EED: variants seen among roughly 807,000 people sequenced by gnomAD.
The protein encoded by EED is polycomb protein EED.
A neutral mutation model predicts 61.0 loss-of-function variants in EED; 9 were observed. The ratio of observed to expected loss-of-function variants is 0.15; its 90% CI spans 0.09 to 0.26. The LOEUF (loss-of-function observed/expected upper bound fraction) is 0.26, where lower values mean the gene tolerates loss of function less well. EED is among the 10% of genes least tolerant of loss of function. The probability of loss-of-function intolerance (pLI) is 1.00; values close to 1 mark genes in which losing one functional copy is unlikely to be tolerated. For synonymous variants in EED, 187 were observed against 174.4 expected (o/e 1.07, Z -0.57); for missense variants, 315 against 542.3 (o/e 0.58, Z 4.16).
At chr11:86,282,641 A>AT (rs1331814434), downstream of EED, among the ~76,000 whole-genome samples, 1 of 152,198 alleles carries the variant, frequency 6.6e-6, no homozygotes, top group Admixed American at 6.5e-5. Flanking sequence ...GGTAGTACCC[A>AT]TTCCAGTTTT....
intron 9 of EED, among the ~76,000 whole-genome samples, chr11:86,274,573 A>G (rs1946186819): frequency 6.6e-6 from 1 of 151,950 alleles, no homozygotes; most frequent in Admixed American, 6.6e-5. Flanking sequence ...TGGGTTCCCC[A>G]CTCGGTTGAC....
intron 7 of EED, 92 bp from the exon 8 acceptor site, chr11:86,265,991 T>G (rs538972736): frequency 9.0e-7 from 1 of 1,105,376 alleles, no homozygotes; most frequent in South Asian, 1.6e-5. Context: ...TGATTTGAAA[T>G]ACAGTTTTCA....
At chr11:86,259,627 C>T (rs573760716) in intron 6 of EED, among the ~76,000 whole-genome samples, 16 of 152,164 alleles carry the variant, frequency 1.1e-4, no homozygotes, top group East Asian at 1.9e-4. Context: ...TAATAAGGGA[C>T]GTGTATCAAG....
At chr11:86,278,136 T>C (rs193107549) in intron 11 of EED, 145 bp downstream of exon 11, 100 of 1,353,392 alleles carry the variant, frequency 7.4e-5, no homozygotes, top group Non-Finnish European at 1.5e-5. Flanking sequence ...TTATTCTTTT[T>C]TATTCCAATA....
the EED span, among the ~76,000 whole-genome samples, chr11:86,286,287 C>T: frequency 2.7e-5 from 4 of 150,658 alleles, no homozygotes; most frequent in African/African-American, 7.3e-5. Flanking sequence ...GTGATCCGCC[C>T]GCCTCAGCCT....
chr11:86,284,949 A>C, the EED span, among the ~76,000 whole-genome samples: 2 of 151,890 alleles, frequency 1.3e-5, no homozygotes, highest in Non-Finnish European at 2.9e-5. Flanking sequence ...CGTCTCTACC[A>C]AAAATACAAA....
At chr11:86,258,561 T>G (rs948717773) in intron 6 of EED, among the ~76,000 whole-genome samples, 2 of 150,696 alleles carry the variant, frequency 1.3e-5, no homozygotes, top group South Asian at 2.1e-4. Context: ...TTTGGTTTTT[T>G]TTTTTTTTTT....
chr11:86,283,865 AAAG>A, the EED span: 6 of 151,914 alleles, frequency 3.9e-5, no homozygotes, highest in Admixed American at 1.3e-4. Context: ...AAAAAAAAAA[AAAG>A]AGAATGAAGT....
intron 9 of EED, among the ~76,000 whole-genome samples, chr11:86,269,647 T>G (rs989894462): frequency 1.3e-5 from 2 of 152,238 alleles, no homozygotes; most frequent in African/African-American, 2.4e-5. Flanking sequence ...AGTTTATATA[T>G]TATATAACTG....
chr11:86,287,172 G>A, the EED span, among the ~76,000 whole-genome samples: 1 of 151,758 alleles, frequency 6.6e-6, no homozygotes, highest in South Asian at 2.1e-4. Flanking sequence ...TCAGCCTGCA[G>A]TGTGAAACAC....
At chr11:86,254,036 G>GA (rs561539481) in intron 3 of EED, among the ~76,000 whole-genome samples, 966 of 78,696 alleles carry the variant, frequency 0.012, 10 homozygotes, top group Middle Eastern at 0.033. Flanking sequence ...CGACAAGAGT[G>GA]AAACTCTGTC....
rs372728427 is a variant in EED, at chr11:86,245,105, G to C, written c.-125G>C. The stretch of plus-strand genomic sequence containing the variant: ...CGGCTGGGCGCGATTTGCGACAGTG[G>C]GGGGGGCGGTGGAGGTGGCGGCGGC... On this transcript the variant is annotated 5_prime_UTR_variant, in exon 1 of 12. Transcript: ENST00000263360. 4.9e-4 allele frequency: 335 copies of C among 678,484 alleles called. No homozygotes were observed. In the Middle Eastern group the frequency reaches 9.1e-3, roughly 18 times the overall value. The allele number at this position is 678,484 out of a possible 1,614,324, so 42.0% of individuals were successfully genotyped here. A position where few individuals can be genotyped will look rare whatever the true frequency, so the allele number is the denominator to read the frequency against.
chr11:86,260,985 TTCTCATTAGG>T (rs908045828), intron 6 of EED, among the ~76,000 whole-genome samples: 1 of 151,976 alleles, frequency 6.6e-6, no homozygotes, highest in Non-Finnish European at 1.5e-5. Flanking sequence ...GACCTAACGC[TTCTCATTAGG>T]TCTCATCTCC....
the EED span, among the ~76,000 whole-genome samples, chr11:86,285,649 G>GT: frequency 2.0e-5 from 3 of 151,988 alleles, no homozygotes; most frequent in Non-Finnish European, 2.9e-5. Context: ...CCGGGCTGGA[G>GT]TGCAGGGGTG....
At chr11:86,267,215 A>T (rs1403457409) in intron 8 of EED, among the ~76,000 whole-genome samples, 1 of 152,220 alleles carries the variant, frequency 6.6e-6, no homozygotes, top group African/African-American at 2.4e-5. Flanking sequence ...CTAAAAAGCA[A>T]TTAATATAAT....
At chr11:86,271,485 A>G (rs1302236279) in intron 9 of EED, among the ~76,000 whole-genome samples, 2 of 152,144 alleles carry the variant, frequency 1.3e-5, no homozygotes, top group Admixed American at 6.5e-5. Flanking sequence ...TTTGTGATCT[A>G]TATGCCTTTT....
At chr11:86,272,021 C>T (rs1189907271) in intron 9 of EED, among the ~76,000 whole-genome samples, 2 of 45,798 alleles carry the variant, frequency 4.4e-5, no homozygotes, top group Non-Finnish European at 9.0e-5. Context: ...GATCTGTTTC[C>T]CATTTTCCAG....
At chr11:86,246,484 T>A (rs1476873206) in intron 1 of EED, among the ~76,000 whole-genome samples, 3 of 152,214 alleles carry the variant, frequency 2.0e-5, no homozygotes. Flanking sequence ...CATATAATGA[T>A]GTCATGACTA....
At chr11:86,280,135 G>A (rs1256035656), downstream of EED, among the ~76,000 whole-genome samples, 1 of 152,134 alleles carries the variant, frequency 6.6e-6, no homozygotes, top group Non-Finnish European at 1.5e-5. Flanking sequence ...TGCCCAGTCT[G>A]GAGTGCAGTG....
Sources: allele counts gnomAD v4.1 joint callset (sites outside exome capture counted in the v4.1 genomes callset), GRCh38; gene constraint gnomAD v4.1.1; transcripts MANE v1.5; gene names NCBI Gene and HGNC (gene_info 2026-07-23, HGNC 2026-07-21).